The following SLC39A11 variants were observed in gnomAD, a reference collection of about 807,000 sequenced individuals.
SLC39A11 encodes zinc transporter ZIP11.
Under a neutral mutation model 36.1 loss-of-function variants are expected in SLC39A11, and 33 were observed. The observed-to-expected ratio is 0.91, with a 90% CI of 0.69 to 1.22. SLC39A11 has a LOEUF of 1.22. Among genes scored for constraint, SLC39A11 ranks in the 50% most tolerant of loss-of-function variants. SLC39A11 has a pLI of 0.00. For missense variants in SLC39A11, 432 were observed against 430.3 expected (o/e 1.00, Z -0.03); for synonymous variants, 166 against 170.3 (o/e 0.97, Z 0.20).
intron 7 of SLC39A11, among the ~76,000 whole-genome samples, chr17:72,676,978 C>T (rs2071289331): frequency 6.6e-6 from 1 of 152,164 alleles, no homozygotes; most frequent in Admixed American, 6.5e-5. Context: ...TCCCTGGGTA[C>T]CTTTTTTCTT....
chr17:73,008,169 T>G (rs2090297647), intron 4 of SLC39A11, among the ~76,000 whole-genome samples: 1 of 148,242 alleles, frequency 6.7e-6, no homozygotes, highest in African/African-American at 2.4e-5. Context: ...TTTTTTGTTT[T>G]TTTTTTTTTG....
At chr17:72,691,834 C>T (rs1404663938) in intron 7 of SLC39A11, among the ~76,000 whole-genome samples, 2 of 152,130 alleles carry the variant, frequency 1.3e-5, no homozygotes, top group Non-Finnish European at 2.9e-5. Context: ...TCTCTGCCAG[C>T]TACGACACTG....
intron 3 of SLC39A11, among the ~76,000 whole-genome samples, chr17:73,039,762 T>G (rs1367813714): frequency 6.6e-6 from 1 of 152,140 alleles, no homozygotes; most frequent in Non-Finnish European, 1.5e-5. Context: ...AGTCTACTGA[T>G]AGAATCACAG....
chr17:72,652,293 A>C (rs1598222338), intron 7 of SLC39A11, among the ~76,000 whole-genome samples: 1 of 152,210 alleles, frequency 6.6e-6, no homozygotes. Flanking sequence ...TGCAGACCCT[A>C]TCTCTTCTTA....
intron 3 of SLC39A11, among the ~76,000 whole-genome samples, chr17:73,032,878 G>A (rs2058782743): frequency 6.6e-6 from 1 of 152,222 alleles, no homozygotes; most frequent in African/African-American, 2.4e-5. Flanking sequence ...CCCAGAGGCA[G>A]ATGATGTTTT....
At chr17:72,774,307 C>A (rs764755159) in intron 6 of SLC39A11, among the ~76,000 whole-genome samples, 29 of 152,182 alleles carry the variant, frequency 1.9e-4, no homozygotes, top group Admixed American at 1.6e-3. Context: ...TCTGGCTGCA[C>A]TGATTTATGT....
chr17:72,946,629 C>T (rs1285948996), intron 5 of SLC39A11, among the ~76,000 whole-genome samples: 7 of 152,078 alleles, frequency 4.6e-5, no homozygotes, highest in Non-Finnish European at 8.8e-5. Flanking sequence ...TCCACATAAG[C>T]GAGGAGGGGC....
intron 7 of SLC39A11, among the ~76,000 whole-genome samples, chr17:72,731,107 C>T (rs2074197963): frequency 1.3e-5 from 2 of 152,158 alleles, no homozygotes; most frequent in African/African-American, 4.8e-5. Context: ...GCACGACAGT[C>T]AGTCAAGCAG....
intron 3 of SLC39A11, among the ~76,000 whole-genome samples, chr17:73,054,051 G>A (rs760878327): frequency 6.6e-6 from 1 of 152,098 alleles, no homozygotes; most frequent in African/African-American, 2.4e-5. Flanking sequence ...TGAGCTGAGA[G>A]GCAGCCAACC....
chr17:72,653,573 G>A (rs2069967880), intron 7 of SLC39A11, among the ~76,000 whole-genome samples: 1 of 151,880 alleles, frequency 6.6e-6, no homozygotes, highest in Non-Finnish European at 1.5e-5. Context: ...CCCAGTAGCT[G>A]GGATTACAAG....
intron 5 of SLC39A11, among the ~76,000 whole-genome samples, chr17:72,873,368 C>A (rs1463238000): frequency 2.6e-5 from 4 of 152,184 alleles, no homozygotes; most frequent in Non-Finnish European, 5.9e-5. Flanking sequence ...TTATCCATTT[C>A]CTAGCCCTCT....
rs79348749 is a variant in SLC39A11 at position 73,072,802 on chromosome 17, C to T, written c.147+12006G>A. On this transcript the variant is annotated intron_variant, in intron 3 of 9. Coordinates refer to ENST00000255559, the MANE Select transcript of SLC39A11 (RefSeq NM_139177.4). ...CAAAATATGTTCACGGTCTCCTGTC[C>T]GTGCCTCATGTGGTTTGAGAATGTT... is the stretch of plus-strand genomic sequence containing the variant. Among the ~76,000 whole-genome samples the T allele has an allele frequency of 5.3e-5, 8 of 152,294 alleles. No individual in the cohort carries two copies. In the East Asian group the frequency reaches 1.5e-3, roughly 29 times the overall value.
At chr17:73,068,271 A>T in intron 3 of SLC39A11, 1 of 694,766 alleles carries the variant, frequency 1.4e-6, no homozygotes, top group South Asian at 1.9e-5. Flanking sequence ...TGCAACATGG[A>T]CTGCGGCTCC....
chr17:72,884,924 T>C (rs563872941), intron 5 of SLC39A11, among the ~76,000 whole-genome samples: 18 of 151,812 alleles, frequency 1.2e-4, no homozygotes, highest in Non-Finnish European at 2.2e-4. Context: ...AAATATAAAG[T>C]GGTAATATTA....
In SLC39A11 at chr17:72,898,136, A is replaced by G. The variant is rs563978885; in HGVS notation, c.431-48332T>C. ...TAAGGCACCAAAAAGTGTCTGGTGC[A>G]TCTGGCAATTTGGGGGCCACCTCAG... is the stretch of plus-strand genomic sequence containing the variant. On this transcript the variant is annotated intron_variant, in intron 5 of 9. Coordinates refer to ENST00000255559, the MANE Select transcript of SLC39A11 (RefSeq NM_139177.4). 1.2e-4 allele frequency among the ~76,000 whole-genome samples: 18 copies of G among 152,350 alleles called. No individual in the cohort carries two copies. The East Asian group carries it at 3.5e-3, about 29-fold the overall frequency.
intron 4 of SLC39A11, among the ~76,000 whole-genome samples, chr17:72,973,317 G>A (rs987963265): frequency 5.0e-5 from 2 of 39,640 alleles, no homozygotes; most frequent in African/African-American, 1.1e-4. Flanking sequence ...CAGCACTGCC[G>A]GGGGGGCACC....
chr17:72,669,466 A>C (rs1475208438), intron 7 of SLC39A11, among the ~76,000 whole-genome samples: 3 of 152,074 alleles, frequency 2.0e-5, no homozygotes, highest in Non-Finnish European at 4.4e-5. Flanking sequence ...ATGTCTCTCA[A>C]ATTTGGGTTT....
rs1038363005 is a variant in SLC39A11 at position 72,669,735 on chromosome 17, T to C, written c.672-20467A>G. Among the ~76,000 whole-genome samples the C allele has an allele frequency of 2.0e-5, 3 of 152,172 alleles. No individual in the cohort carries two copies. In the South Asian group the frequency reaches 6.2e-4, roughly 32 times the overall value. ...TCAGCCAGGTGCGGTGGCTTAAGCCTGTAATCCTAATACTTTGAGAGACTG... is the reference window on the plus strand; with the variant it reads ...TCAGCCAGGTGCGGTGGCTTAAGCCCGTAATCCTAATACTTTGAGAGACTG... On this transcript the variant is annotated intron_variant, in intron 7 of 9. Coordinates refer to ENST00000255559, the MANE Select transcript of SLC39A11 (RefSeq NM_139177.4).
At chr17:73,008,431 G>A (rs78575700) in intron 4 of SLC39A11, among the ~76,000 whole-genome samples, 6,266 of 152,278 alleles carry the variant, frequency 0.041, 189 homozygotes, top group Non-Finnish European at 0.059. Context: ...CCCTCTGCCC[G>A]TGCCGACTGC....
Sources: gnomAD v4.1 joint callset for allele counts (sites outside exome capture counted in the v4.1 genomes callset) on GRCh38, gnomAD v4.1.1 for gene constraint, MANE v1.5 for transcripts, NCBI Gene and HGNC (gene_info 2026-07-23, HGNC 2026-07-21) for gene names.